Variants in CCDC146 observed in about 807,000 individuals in gnomAD.
CCDC146 encodes coiled-coil domain-containing protein 146.
Under a neutral mutation model 119.3 loss-of-function variants are expected in CCDC146, and 92 were observed. The observed-to-expected ratio is 0.77, with a 90% CI of 0.65 to 0.92. The LOEUF is 0.92. Among genes scored for constraint, CCDC146 ranks in the 40% least tolerant of loss-of-function variants. The pLI is 0.00. For synonymous variants in CCDC146, 372 were observed against 371.8 expected, an observed-to-expected ratio of 1.00 and a Z score of -0.01; for missense variants, 1,000 against 1,103.0, an observed-to-expected ratio of 0.91 and a Z score of 1.32.
intron 2 of CCDC146, among the ~76,000 whole-genome samples, chr7:77,175,819 C>T (rs1791491250): frequency 6.6e-6 from 1 of 151,204 alleles, no homozygotes; most frequent in South Asian, 2.1e-4. Context: ...TGGTTTTGAG[C>T]ACCTCCTGTG....
chr7:77,183,591 C>G (rs71573337), intron 2 of CCDC146, among the ~76,000 whole-genome samples: 4 of 152,170 alleles, frequency 2.6e-5, no homozygotes, highest in Admixed American at 2.6e-4. Context: ...GCCAGGAGTG[C>G]TTTCTTCCCT....
intron 2 of CCDC146, chr7:77,199,822 AG>A: frequency 1.9e-6 from 3 of 1,600,448 alleles, no homozygotes; most frequent in Non-Finnish European, 1.7e-6. Flanking sequence ...CCCAGCAGGG[AG>A]TGCGCAGGGC....
At chr7:77,276,727 C>T (rs1562858967) in intron 11 of CCDC146, among the ~76,000 whole-genome samples, 2 of 152,026 alleles carry the variant, frequency 1.3e-5, no homozygotes, top group South Asian at 2.1e-4. Context: ...GGTGGCTAAG[C>T]GGGTAAGATG....
At chr7:77,289,818 G>C (rs574568736) in intron 17 of CCDC146, among the ~76,000 whole-genome samples, 4 of 152,362 alleles carry the variant, frequency 2.6e-5, no homozygotes, top group African/African-American at 9.6e-5. Context: ...ATTTATGGAA[G>C]AGAAGGGAAG....
chr7:77,201,636 T>C (rs1260221038), intron 2 of CCDC146, among the ~76,000 whole-genome samples: 1 of 151,838 alleles, frequency 6.6e-6, no homozygotes, highest in African/African-American at 2.4e-5. Context: ...AAATGTAACA[T>C]TCTTCCCAAA....
chr7:77,273,514 A>G (rs1475403288), intron 9 of CCDC146, among the ~76,000 whole-genome samples, 180 bp from the exon 10 acceptor site: 1 of 151,622 alleles, frequency 6.6e-6, no homozygotes, highest in Non-Finnish European at 1.5e-5. Flanking sequence ...AATTTTATTT[A>G]TTTATTTATT....
intron 3 of CCDC146, 132 bp downstream of exon 3, chr7:77,237,161 A>G: frequency 1.4e-6 from 1 of 700,188 alleles, no homozygotes; most frequent in Non-Finnish European, 2.5e-6. Context: ...GAGTTTGAGA[A>G]GTGGTACGAG....
chr7:77,229,876 G>A (rs1792589223), intron 2 of CCDC146, among the ~76,000 whole-genome samples: 1 of 151,708 alleles, frequency 6.6e-6, no homozygotes, highest in African/African-American at 2.4e-5. Context: ...ATACAGAGTT[G>A]TATAATCATG....
chr7:77,154,753 G>A lies in CCDC146; in HGVS notation c.-11-12905G>A, dbSNP rs547155825. ...AGTCTTTGCTATTGTGAATAGTGCC[G>A]CAATAAACATGTGCGTGCATGTGTC... On this transcript the variant is annotated intron_variant, in intron 1 of 18. Coordinates refer to ENST00000285871, the MANE Select transcript of CCDC146 (RefSeq NM_020879.3). Among the ~76,000 whole-genome samples, 801 of 152,216 alleles carry A rather than the reference G, an allele frequency of 5.3e-3. 11 individuals are homozygous for A. The highest frequency in any genetic ancestry group is 0.018 in the African/African-American group (751 of 41,522).
At chr7:77,133,183 T>A (rs559966719) in intron 1 of CCDC146, among the ~76,000 whole-genome samples, 163 of 149,736 alleles carry the variant, frequency 1.1e-3, no homozygotes, top group Middle Eastern at 3.4e-3. Flanking sequence ...AAAAAAAAAA[T>A]TTTTTTTGGC....
At chr7:77,281,693 C>A (rs1165120752) in intron 14 of CCDC146, among the ~76,000 whole-genome samples, 2 of 152,146 alleles carry the variant, frequency 1.3e-5, no homozygotes, top group Non-Finnish European at 2.9e-5. Flanking sequence ...TAGCTGAGTA[C>A]AACCACATGC....
chr7:77,203,954 A>C (rs539119659), intron 2 of CCDC146, among the ~76,000 whole-genome samples: 1 of 152,324 alleles, frequency 6.6e-6, no homozygotes, highest in African/African-American at 2.4e-5. Context: ...AAGTATATTT[A>C]AGAGAAGATC....
chr7:77,274,711 A>G, intron 11 of CCDC146, 59 bp downstream of exon 11: 1 of 1,348,022 alleles, frequency 7.4e-7, no homozygotes, highest in South Asian at 1.3e-5. Flanking sequence ...TAGCCTCATT[A>G]TAATGCCACG....
intron 2 of CCDC146, among the ~76,000 whole-genome samples, chr7:77,172,598 C>T (rs1251603239): frequency 4.6e-5 from 7 of 152,162 alleles, no homozygotes; most frequent in African/African-American, 9.7e-5. Context: ...ATTCACAGGC[C>T]TCTGCAATTT....
At chr7:77,139,543 G>A (rs1459130204) in intron 1 of CCDC146, among the ~76,000 whole-genome samples, 38 of 152,222 alleles carry the variant, frequency 2.5e-4, no homozygotes, top group Admixed American at 2.5e-3. Flanking sequence ...TGTCAATGTA[G>A]TTTCATCAGT....
At chr7:77,146,625 C>T (rs891194200) in intron 1 of CCDC146, among the ~76,000 whole-genome samples, 2 of 152,050 alleles carry the variant, frequency 1.3e-5, no homozygotes, top group Non-Finnish European at 2.9e-5. Context: ...AATCTCTCAG[C>T]ATTTGCTTGT....
chr7:77,243,839 T>C (rs1792894869), intron 4 of CCDC146, among the ~76,000 whole-genome samples: 1 of 152,180 alleles, frequency 6.6e-6, no homozygotes, highest in Admixed American at 6.5e-5. Flanking sequence ...TGTGTAGGCC[T>C]AGGCTAATGT....
At chr7:77,193,575 GACC>G (rs1181317286) in intron 2 of CCDC146, 1 of 152,080 alleles carries the variant, frequency 6.6e-6, no homozygotes, top group Admixed American at 6.5e-5. Flanking sequence ...CAAAAGTAAA[GACC>G]ACAAGTTTTG....
At chr7:77,250,879 G>A (rs1417982427) in intron 4 of CCDC146, among the ~76,000 whole-genome samples, 2 of 142,014 alleles carry the variant, frequency 1.4e-5, no homozygotes, top group Non-Finnish European at 3.0e-5. Context: ...ATATCCTCAA[G>A]CTCAGAGATT....
Sources: allele counts gnomAD v4.1 joint callset (sites outside exome capture counted in the v4.1 genomes callset), GRCh38; gene constraint gnomAD v4.1.1; transcripts MANE v1.5; gene names NCBI Gene and HGNC (gene_info 2026-07-23, HGNC 2026-07-21).